RSRC1: variants seen among roughly 807,000 people sequenced by gnomAD.
RSRC1 encodes the protein arginine and serine rich coiled-coil 1, also known as serine/Arginine-related protein 53.
A neutral mutation model predicts 49.1 loss-of-function variants in RSRC1; 39 were observed. That is an observed-to-expected ratio of 0.79 (90% CI 0.61 to 1.04). The LOEUF is 1.04. Among genes scored for constraint, RSRC1 ranks in the 50% least tolerant of loss-of-function variants. RSRC1 has a pLI of 0.00. For synonymous variants in RSRC1, 143 were observed against 130.8 expected (o/e 1.09, Z -0.63); for missense variants, 388 against 402.4 (o/e 0.96, Z 0.31).
intron 3 of RSRC1, among the ~76,000 whole-genome samples, chr3:158,160,074 T>G (rs888729359): frequency 6.6e-6 from 1 of 152,146 alleles, no homozygotes; most frequent in African/African-American, 2.4e-5. Context: ...TCCATTTTGT[T>G]TATTTGTGAG....
chr3:158,443,915 A>G (rs1004713980), intron 6 of RSRC1, among the ~76,000 whole-genome samples: 1 of 152,136 alleles, frequency 6.6e-6, no homozygotes, highest in Non-Finnish European at 1.5e-5. Context: ...ACAGAGAGGT[A>G]CAGGGAGAGG....
chr3:158,300,031 C>T (rs891642569), intron 5 of RSRC1, among the ~76,000 whole-genome samples: 2 of 152,166 alleles, frequency 1.3e-5, no homozygotes, highest in Non-Finnish European at 2.9e-5. Flanking sequence ...CATAGCTACT[C>T]ATTGAAGAAT....
chr3:158,123,967 C>G lies in RSRC1; in HGVS notation c.296C>G (p.Ser99Cys). 4 of 1,602,344 alleles carry G rather than the reference C, an allele frequency of 2.5e-6. No individual in the cohort carries two copies. The highest frequency in any genetic ancestry group is 3.4e-6 in the Non-Finnish European group (4 of 1,174,118). Reference sequence around the variant, plus strand: ...GGGAAATCCTATAGAGTTCAGAGGTCTAGGTCAAAAAGCAGAACAAGAAGG... The same window carrying G: ...GGGAAATCCTATAGAGTTCAGAGGTGTAGGTCAAAAAGCAGAACAAGAAGG... Reference protein sequence around the residue: ...GRGKSYRVQRSRSKSRTRRSR... With the variant: ...GRGKSYRVQRCRSKSRTRRSR... Residue 99 changes from serine (S) to cysteine (C), a missense_variant, in exon 3 of 10, where the codon TCT becomes TGT. Ser to Cys is a moderately radical substitution (Grantham distance 112). Transcript: ENST00000611884.
At position 158,384,615 on chromosome 3, in the gene RSRC1, A is replaced by G. The variant is rs1273723192; in HGVS notation, c.583+29707A>G. ...GTCTTTACCACTTCTAGACCTGAAA[A>G]AGGAAAGGGAAGAGATCAGCTATAG... On this transcript the variant is annotated intron_variant, in intron 6 of 9. Transcript: ENST00000611884. 2.0e-5 allele frequency among the ~76,000 whole-genome samples: 3 copies of G among 152,138 alleles called. No individual in the cohort carries two copies. In the East Asian group the frequency reaches 5.8e-4, roughly 29 times the overall value.
Position 158,423,367 on chromosome 3 carries a change from G to A in RSRC1, c.584-37568G>A, listed in dbSNP as rs1735191787. Among the ~76,000 whole-genome samples the A allele has an allele frequency of 2.0e-5, 3 of 152,116 alleles. No individual in the cohort carries two copies. The South Asian group carries it at 6.2e-4, about 32-fold the overall frequency. ...CCCATTGCTTATTTTTCTCAGGTTT[G>A]TCAAAGATCAGATAGTTGTAGATAT... On this transcript the variant is annotated intron_variant, in intron 6 of 9. Transcript: ENST00000611884.
chr3:158,125,553 C>T (rs914596824), intron 3 of RSRC1, among the ~76,000 whole-genome samples: 1 of 152,106 alleles, frequency 6.6e-6, no homozygotes, highest in African/African-American at 2.4e-5. Context: ...CTATTGATGT[C>T]TAGTTTCATT....
chr3:158,335,486 G>A (rs116041525), intron 5 of RSRC1, among the ~76,000 whole-genome samples: 2,925 of 152,320 alleles, frequency 0.019, 75 homozygotes, highest in African/African-American at 0.066. Flanking sequence ...GAAAATTAAA[G>A]TGATAAGTTT....
chr3:158,141,781 A>G lies in RSRC1; in HGVS notation c.320+17790A>G, dbSNP rs191549416. Among the ~76,000 whole-genome samples, 4 of 152,266 alleles carry G rather than the reference A, an allele frequency of 2.6e-5. No individual in the cohort carries two copies. The East Asian group carries it at 7.7e-4, about 29-fold the overall frequency. ...TAGATTGTTTTGCAATCTCATTAAA[A>G]GATTAGGTTATGAGTTCTTTATCTA... On this transcript the variant is annotated intron_variant, in intron 3 of 9. Coordinates refer to ENST00000611884, the MANE Select transcript of RSRC1 (RefSeq NM_001271838.2).
At chr3:158,343,875 A>AAGC (rs1730395667) in intron 5 of RSRC1, among the ~76,000 whole-genome samples, 1 of 152,176 alleles carries the variant, frequency 6.6e-6, no homozygotes, top group Non-Finnish European at 1.5e-5. Flanking sequence ...AAAGGAAAGG[A>AAGC]AGCAGCAGAA....
chr3:158,372,626 AT>A (rs1732143413), intron 6 of RSRC1, among the ~76,000 whole-genome samples: 1 of 151,876 alleles, frequency 6.6e-6, no homozygotes, highest in Non-Finnish European at 1.5e-5. Flanking sequence ...AGCTCTTCTA[AT>A]TCTTTTCCAT....
chr3:158,361,267 G>C (rs1731454294), intron 6 of RSRC1, among the ~76,000 whole-genome samples: 1 of 152,150 alleles, frequency 6.6e-6, no homozygotes, highest in Non-Finnish European at 1.5e-5. Context: ...CGGCTGTGTT[G>C]CTGGCCAGGT....
At chr3:158,408,007 A>G (rs1376497085) in intron 6 of RSRC1, among the ~76,000 whole-genome samples, 1 of 152,140 alleles carries the variant, frequency 6.6e-6, no homozygotes, top group Non-Finnish European at 1.5e-5. Context: ...TGATTTTTAC[A>G]AGTTAGATAA....
chr3:158,246,673 G>C (rs1479480040), intron 4 of RSRC1, among the ~76,000 whole-genome samples: 3 of 152,066 alleles, frequency 2.0e-5, no homozygotes, highest in Admixed American at 6.6e-5. Flanking sequence ...ATTCTGGGTT[G>C]GCAATTCTTT....
intron 3 of RSRC1, among the ~76,000 whole-genome samples, chr3:158,140,252 T>C (rs1716660314): frequency 6.6e-6 from 1 of 152,222 alleles, no homozygotes. Context: ...TTTCAGGCTG[T>C]AGATTTAAAA....
At chr3:158,346,499 A>C (rs1348037047) in intron 5 of RSRC1, among the ~76,000 whole-genome samples, 1 of 152,236 alleles carries the variant, frequency 6.6e-6, no homozygotes, top group Non-Finnish European at 1.5e-5. Flanking sequence ...CATTTTACCA[A>C]GGAAGATATA....
intron 5 of RSRC1, among the ~76,000 whole-genome samples, chr3:158,324,546 T>C (rs1473641606): frequency 1.3e-5 from 2 of 152,194 alleles, no homozygotes; most frequent in African/African-American, 4.8e-5. Context: ...TCCATGTCCC[T>C]ACAAAGGACA....
At chr3:158,194,801 C>T (rs1720474451) in intron 3 of RSRC1, among the ~76,000 whole-genome samples, 1 of 152,036 alleles carries the variant, frequency 6.6e-6, no homozygotes, top group Non-Finnish European at 1.5e-5. Context: ...CCAGCTTCAT[C>T]CATGTCCCTA....
At chr3:158,198,280 T>G (rs1559939121) in intron 3 of RSRC1, among the ~76,000 whole-genome samples, 1 of 152,188 alleles carries the variant, frequency 6.6e-6, no homozygotes. Flanking sequence ...TGTGTTGGTT[T>G]AAAGTCTGTT....
At chr3:158,271,972 G>A (rs1246457841) in intron 4 of RSRC1, among the ~76,000 whole-genome samples, 1 of 151,924 alleles carries the variant, frequency 6.6e-6, no homozygotes, top group East Asian at 1.9e-4. Context: ...AATAATTTTT[G>A]TTTAATGTGC....
Sources: gnomAD v4.1 joint callset for allele counts (sites outside exome capture counted in the v4.1 genomes callset) on GRCh38, gnomAD v4.1.1 for gene constraint, MANE v1.5 for transcripts, NCBI Gene and HGNC (gene_info 2026-07-23, HGNC 2026-07-21) for gene names.